The following PLD5 variants were observed in gnomAD, a reference collection of about 807,000 sequenced individuals.
PLD5 encodes the protein inactive phospholipase D5.
A neutral mutation model predicts 61.1 loss-of-function variants in PLD5; 36 were observed. The ratio of observed to expected loss-of-function variants is 0.59; its 90% confidence interval spans 0.45 to 0.78. The LOEUF (loss-of-function observed/expected upper bound fraction) is 0.78. Among genes scored for constraint, PLD5 ranks in the 30% least tolerant of loss-of-function variants. The probability of loss-of-function intolerance (pLI) is 0.00; values close to 1 mark genes in which losing one functional copy is unlikely to be tolerated. For synonymous variants in PLD5, 243 were observed against 242.8 expected (o/e 1.00, Z -0.01); for missense variants, 515 against 644.4 (o/e 0.80, Z 2.17).
At chr1:242,376,100 TA>T (rs1192848090) in intron 1 of PLD5, among the ~76,000 whole-genome samples, 1 of 152,242 alleles carries the variant, frequency 6.6e-6, no homozygotes, top group African/African-American at 2.4e-5. Context: ...TTGCAACTTT[TA>T]TAGTAGTCCA....
intron 5 of PLD5, among the ~76,000 whole-genome samples, chr1:242,202,649 C>T (rs1219293836): frequency 6.6e-6 from 1 of 152,136 alleles, no homozygotes; most frequent in Non-Finnish European, 1.5e-5. Flanking sequence ...AATCCTTTCT[C>T]CTGTAATTTC....
At chr1:242,370,934 T>C (rs1661599339) in intron 1 of PLD5, among the ~76,000 whole-genome samples, 1 of 152,172 alleles carries the variant, frequency 6.6e-6, no homozygotes, top group African/African-American at 2.4e-5. Context: ...CTTTCAACTT[T>C]CTGTGATAGG....
chr1:242,278,531 C>T (rs1674539434), intron 3 of PLD5, among the ~76,000 whole-genome samples: 1 of 152,172 alleles, frequency 6.6e-6, no homozygotes, highest in African/African-American at 2.4e-5. Flanking sequence ...GAAGCAGCAG[C>T]AGGAACATAC....
intron 4 of PLD5, among the ~76,000 whole-genome samples, chr1:242,254,491 G>A (rs1163660782): frequency 2.6e-5 from 4 of 152,124 alleles, no homozygotes; most frequent in East Asian, 1.9e-4. Flanking sequence ...CCAACATGGC[G>A]AAACCCCATC....
At chr1:242,208,547 T>G (rs2148977031) in intron 5 of PLD5, among the ~76,000 whole-genome samples, 1 of 152,324 alleles carries the variant, frequency 6.6e-6, no homozygotes, top group African/African-American at 2.4e-5. Context: ...AATACTATGC[T>G]GGTTATTCTC....
At chr1:242,356,186 C>A (rs1453640862) in intron 1 of PLD5, among the ~76,000 whole-genome samples, 3 of 151,882 alleles carry the variant, frequency 2.0e-5, no homozygotes, top group Admixed American at 6.6e-5. Context: ...CCTCTACTTA[C>A]ATTGTATTGA....
rs1218373825 is a variant in PLD5, at chr1:242,256,880, C to A, written c.607+8457G>T. Among the ~76,000 whole-genome samples, 1 of 148,422 alleles carries A rather than the reference C, an allele frequency of 6.7e-6. No homozygotes were observed. The highest frequency in any genetic ancestry group is 1.5e-5 in the Non-Finnish European group (1 of 67,334). On this transcript the variant is annotated intron_variant, in intron 4 of 9. Transcript: ENST00000536534. The surrounding 1 kb of genome is among the most constrained non-coding windows in gnomAD (Gnocchi z 5.7). ...TCTATCTTCCTATCTTCTTTCTTTT[C>A]TCTCCCTCTTCTTTCTCTTTCTTTT...
intron 1 of PLD5, among the ~76,000 whole-genome samples, chr1:242,483,730 C>T (rs1667863326): frequency 6.6e-6 from 1 of 152,176 alleles, no homozygotes. Flanking sequence ...CTACAGAACT[C>T]TCCACCCCAA....
intron 1 of PLD5, among the ~76,000 whole-genome samples, chr1:242,432,928 T>C (rs1294020308): frequency 2.0e-5 from 3 of 152,188 alleles, no homozygotes; most frequent in Non-Finnish European, 2.9e-5. Context: ...AAAATCACCC[T>C]CAGAATCCTG....
intron 2 of PLD5, among the ~76,000 whole-genome samples, chr1:242,302,088 C>T (rs1039266971): frequency 6.6e-6 from 1 of 152,160 alleles, no homozygotes; most frequent in African/African-American, 2.4e-5. Flanking sequence ...GCCAACAGTA[C>T]CTTCCCTAGG....
intron 5 of PLD5, among the ~76,000 whole-genome samples, chr1:242,197,839 G>A (rs1668735927): frequency 6.6e-6 from 1 of 151,896 alleles, no homozygotes; most frequent in Non-Finnish European, 1.5e-5. Flanking sequence ...TCGCCATGTT[G>A]GCCAGGCTGG....
chr1:242,501,574 A>G (rs1355623638), intron 1 of PLD5, among the ~76,000 whole-genome samples: 3 of 152,186 alleles, frequency 2.0e-5, no homozygotes, highest in Non-Finnish European at 4.4e-5. Context: ...AAGAAACGGA[A>G]TGAAAACTAA....
rs200507982 is a variant in PLD5, at chr1:242,250,511, A to AT, written c.607+14825dup. ...TCTGCTGCCATTTGAGTTCCATATT[A>AT]TTTTTTTTAACCAATTCTATTTCTA... On this transcript the variant is annotated intron_variant, in intron 4 of 9. Coordinates refer to ENST00000536534, the MANE Select transcript of PLD5 (RefSeq NM_001372062.1). Among the ~76,000 whole-genome samples, 1,328 of 150,604 alleles carry AT rather than the reference A, an allele frequency of 8.8e-3. 20 individuals carry two copies. Among genetic ancestry groups the AT allele is most frequent in the African/African-American group, 0.031 (1,268 of 41,370 alleles).
intron 1 of PLD5, among the ~76,000 whole-genome samples, chr1:242,444,713 A>ATT (rs1298831838): frequency 1.5e-5 from 2 of 130,836 alleles, no homozygotes; most frequent in Non-Finnish European, 3.4e-5. Flanking sequence ...TATATTATAT[A>ATT]ATAAAATAAT....
Position 242,288,422 on chromosome 1 carries a change from C to A in PLD5, c.435G>T (p.Lys145Asn), listed in dbSNP as rs758793696. The A allele has an allele frequency of 6.2e-7, 1 of 1,612,414 alleles. No individual in the cohort carries two copies. The highest frequency in any genetic ancestry group is 8.5e-7 in the Non-Finnish European group (1 of 1,179,534). ...AATGGGAAGACACTATGTCAACAGA[C>A]TTTTTGGCCATGTTGAGTAAATTCA... Reference protein sequence around the residue: ...GWMNLLNMAKKSVDIVSSHWD... With the variant: ...GWMNLLNMAKNSVDIVSSHWD... The change falls in exon 3 of 10, where the codon AAG becomes AAT. Residue 145 changes from lysine to asparagine, a missense_variant. Around this residue, in one of 2 missense-constraint regions of PLD5, gnomAD observed 450 missense variants for 598.1 expected, o/e 0.75. Transcript: ENST00000536534.
At chr1:242,439,328 C>G (rs368119613) in intron 1 of PLD5, among the ~76,000 whole-genome samples, 38 of 152,260 alleles carry the variant, frequency 2.5e-4, no homozygotes, top group African/African-American at 8.9e-4. Context: ...CTCATGGCTT[C>G]CAAGTAACCT....
chr1:242,120,673 A>T (rs533397134), intron 6 of PLD5, among the ~76,000 whole-genome samples: 1 of 152,358 alleles, frequency 6.6e-6, no homozygotes, highest in South Asian at 2.1e-4. Flanking sequence ...TAAACAAGAA[A>T]TGAAATCTGT....
chr1:242,128,396 G>T (rs1338795167), intron 5 of PLD5, among the ~76,000 whole-genome samples: 1 of 150,430 alleles, frequency 6.6e-6, no homozygotes, highest in Non-Finnish European at 1.5e-5. Context: ...GTGGATGTTT[G>T]CCCTCTCTAC....
intron 1 of PLD5, among the ~76,000 whole-genome samples, chr1:242,447,821 A>G (rs766520336): frequency 1.3e-5 from 2 of 152,166 alleles, no homozygotes; most frequent in Non-Finnish European, 2.9e-5. Flanking sequence ...TGAATACTGT[A>G]AGAGAATATC....
Sources: allele counts gnomAD v4.1 joint callset (sites outside exome capture counted in the v4.1 genomes callset), GRCh38; gene constraint gnomAD v4.1.1; regional missense constraint gnomAD v4.1.1; non-coding constraint Gnocchi (gnomAD v3.1); transcripts MANE v1.5; gene names NCBI Gene and HGNC (gene_info 2026-07-23, HGNC 2026-07-21).